Variants in BIRC3 observed in about 807,000 individuals in gnomAD.
The protein encoded by BIRC3 is baculoviral IAP repeat-containing protein 3.
Under a neutral mutation model 59.0 loss-of-function variants are expected in BIRC3, and 26 were observed. The observed-to-expected ratio is 0.44, with a 90% CI of 0.32 to 0.61. BIRC3 has a LOEUF of 0.61. Among genes scored for constraint, BIRC3 ranks in the 20% least tolerant of loss-of-function variants. BIRC3 has a pLI of 0.04. For missense variants in BIRC3, 641 were observed against 711.5 expected (o/e 0.90, Z 1.13); for synonymous variants, 243 against 249.2 (o/e 0.98, Z 0.24).
chr11:102,331,933 G>A (rs1429753455), intron 6 of BIRC3, among the ~76,000 whole-genome samples: 1 of 152,298 alleles, frequency 6.6e-6, no homozygotes, highest in East Asian at 1.9e-4. Context: ...GAGCCACCGT[G>A]CCTGGCTGGA....
Position 102,323,711 on chromosome 11 carries a change from TCTC to T in BIRC3, c.-796_-794del, listed in dbSNP as rs1333228647. The T allele has an allele frequency of 5.0e-6, 1 of 199,646 alleles. No individual in the cohort carries two copies. Among genetic ancestry groups the T allele is most frequent in the African/African-American group, 2.3e-5 (1 of 43,458 alleles). 12.4% of individuals were successfully genotyped at this position (199,646 alleles called of 1,614,324 possible). A position where few individuals can be genotyped will look rare whatever the true frequency, so the allele number is the denominator to read the frequency against. ...GGAGAGAAATTTTAGATTGTTTTGT[TCTC>T]CTTATTAGAAGGATTGTAGAAAGAA... On this transcript the variant is annotated 5_prime_UTR_variant, in exon 2 of 9. Coordinates refer to ENST00000263464, the MANE Select transcript of BIRC3 (RefSeq NM_001165.5).
rs572347898 is a variant in BIRC3 at position 102,322,700 on chromosome 11, G to A, written c.-1810G>A. 1 of 187,980 alleles carries A rather than the reference G, an allele frequency of 5.3e-6. No individual in the cohort carries two copies. Among genetic ancestry groups the A allele is most frequent in the East Asian group, 8.5e-5 (1 of 11,774 alleles). 11.6% of individuals were successfully genotyped at this position (187,980 alleles called of 1,614,324 possible). A position where few individuals can be genotyped will look rare whatever the true frequency, so the allele number is the denominator to read the frequency against. ...GATGTGATGTTTCTCCTGCCACCTG[G>A]AAACAAAGCATTGAAGTCTGCAGTT... On this transcript the variant is annotated 5_prime_UTR_variant, in exon 2 of 9. An upstream open reading frame in the 5' UTR gains an earlier in-frame stop. Coordinates refer to ENST00000263464, the MANE Select transcript of BIRC3 (RefSeq NM_001165.5).
At chr11:102,327,641 A>G (rs1951097379) in intron 3 of BIRC3, among the ~76,000 whole-genome samples, 1 of 152,096 alleles carries the variant, frequency 6.6e-6, no homozygotes, top group Non-Finnish European at 1.5e-5. Flanking sequence ...CTCTGTCTAA[A>G]AAAAAAAAAA....
At chr11:102,319,232 G>T (rs1483553091) in intron 1 of BIRC3, among the ~76,000 whole-genome samples, 1 of 151,430 alleles carries the variant, frequency 6.6e-6, no homozygotes. Flanking sequence ...TTTTTTAGTA[G>T]AGACGGGGTT....
chr11:102,338,367 G>A lies in BIRC3; in HGVS notation c.*1265G>A. 1 of 228,414 alleles carries A rather than the reference G, an allele frequency of 4.4e-6. No individual in the cohort carries two copies. Among genetic ancestry groups the A allele is most frequent in the East Asian group, 6.2e-5 (1 of 16,006 alleles). The allele number at this position is 228,414 out of a possible 1,614,324, so 14.1% of individuals were successfully genotyped here. On this transcript the variant is annotated 3_prime_UTR_variant, in exon 9 of 9. Transcript: ENST00000263464. ...GAAAGACCCCTTCATAAGGGTCACA[G>A]CTGACAATCCTATAACAAAAGACAG...
chr11:102,336,685 C>A lies in BIRC3; in HGVS notation c.1580-75C>A, dbSNP rs576820786. 10 of 1,421,666 alleles carry A rather than the reference C, an allele frequency of 7.0e-6. No homozygotes were observed. The East Asian group carries it at 1.4e-4, about 20-fold the overall frequency. 88.1% of individuals were successfully genotyped at this position (1,421,666 alleles called of 1,614,324 possible). ...GTATTTGGCTATAGTCTAAAGTGTT[C>A]ATTTTTAAAATAGATTCCATAGCTA... On this transcript the variant is annotated intron_variant, in intron 7 of 8. Coordinates refer to ENST00000263464, the MANE Select transcript of BIRC3 (RefSeq NM_001165.5).
At chr11:102,319,127 T>A (rs1201462751) in intron 1 of BIRC3, among the ~76,000 whole-genome samples, 1 of 146,602 alleles carries the variant, frequency 6.8e-6, no homozygotes. Flanking sequence ...TACTGCAACC[T>A]CCACCTCCCG....
Position 102,324,914 on chromosome 11 carries a change from T to C in BIRC3, c.405T>C (p.Arg135=), listed in dbSNP as rs199804199. ...LPGTENSGYF[R]GSYSNSPSNP... ...GTACAGAAAACAGTGGATATTTCCGTGGCTCTTATTCAAACTCTCCATCAA... is the reference window on the plus strand; with the variant it reads ...GTACAGAAAACAGTGGATATTTCCGCGGCTCTTATTCAAACTCTCCATCAA... Residue 135 remains arginine (R), a synonymous_variant, in exon 2 of 9, where the codon CGT becomes CGC. Transcript: ENST00000263464. The C allele has an allele frequency of 1.5e-4, 235 of 1,614,230 alleles. 2 individuals carry two copies. Among genetic ancestry groups the C allele is most frequent in the Middle Eastern group, 4.9e-4 (3 of 6,062 alleles).
At chr11:102,318,661 C>G (rs1344227479) in intron 1 of BIRC3, among the ~76,000 whole-genome samples, 1 of 152,162 alleles carries the variant, frequency 6.6e-6, no homozygotes, top group Non-Finnish European at 1.5e-5. Flanking sequence ...CCCAACAGCC[C>G]TGGGACTGGG....
chr11:102,326,589 C>T lies in BIRC3; in HGVS notation c.953+1024C>T, dbSNP rs561165230. On this transcript the variant is annotated intron_variant, in intron 3 of 8. Transcript: ENST00000263464. ...TCAAAACTTTTGCTATTATTCAACC[C>T]GTTTCCCATTTGCCCTGAGAATACT... The T allele has an allele frequency of 7.0e-4, 248 of 353,040 alleles. 1 individual carries two copies. In the Middle Eastern group the frequency reaches 0.011, roughly 16 times the overall value. The allele number at this position is 353,040 out of a possible 1,614,324, so 21.9% of individuals were successfully genotyped here.
At chr11:102,331,284 A>T (rs12294646) in intron 6 of BIRC3, 43 bp downstream of exon 6, 1 of 1,542,590 alleles carries the variant, frequency 6.5e-7, no homozygotes, top group Non-Finnish European at 8.7e-7. Flanking sequence ...TAAGGATTTG[A>T]TATCAGTCTA....
intron 5 of BIRC3, among the ~76,000 whole-genome samples, chr11:102,330,622 G>T (rs1195067385): frequency 1.3e-5 from 2 of 152,184 alleles, no homozygotes; most frequent in Non-Finnish European, 2.9e-5. Context: ...TATAACCATA[G>T]CCTCTCTGAA....
intron 6 of BIRC3, 110 bp downstream of exon 6, chr11:102,331,351 G>C: frequency 2.6e-6 from 3 of 1,167,510 alleles, no homozygotes; most frequent in Non-Finnish European, 3.3e-6. Context: ...AATCCAGTCA[G>C]GTTTTTTTCA....
chr11:102,323,749 T>C lies in BIRC3; in HGVS notation c.-761T>C, dbSNP rs962853925. On this transcript the variant is annotated 5_prime_UTR_variant, in exon 2 of 9. Coordinates refer to ENST00000263464, the MANE Select transcript of BIRC3 (RefSeq NM_001165.5). ...AGGATTGTAGAAAGAAAAAAATGAC[T>C]AATTGGAGAAAAATTGGGGATATAT... 1 of 200,996 alleles carries C rather than the reference T, an allele frequency of 5.0e-6. No individual in the cohort carries two copies. Among genetic ancestry groups the C allele is most frequent in the Non-Finnish European group, 1.0e-5 (1 of 97,808 alleles). 12.5% of individuals were successfully genotyped at this position (200,996 alleles called of 1,614,324 possible). A position where few individuals can be genotyped will look rare whatever the true frequency, so the allele number is the denominator to read the frequency against.
Position 102,328,888 on chromosome 11 carries a change from T to C in BIRC3, c.1033-9T>C, listed in dbSNP as rs755973170. The C allele has an allele frequency of 8.2e-7, 1 of 1,225,890 alleles. No homozygotes were observed. The highest frequency in any genetic ancestry group is 1.1e-6 in the Non-Finnish European group (1 of 942,728). 75.9% of individuals were successfully genotyped at this position (1,225,890 alleles called of 1,614,324 possible). ...TATATATATATATATATATTTTTTT[T>C]TTCTGCAGCTGCTATCCACATCAGA... On this transcript the variant is annotated splice_polypyrimidine_tract_variant and intron_variant, in intron 4 of 8. Coordinates refer to ENST00000263464, the MANE Select transcript of BIRC3 (RefSeq NM_001165.5).
At chr11:102,336,661 T>G (rs1565325782) in intron 7 of BIRC3, 99 bp from the exon 8 acceptor site, 2 of 1,094,470 alleles carry the variant, frequency 1.8e-6, no homozygotes, top group South Asian at 1.4e-5. Flanking sequence ...TTGAAATGAG[T>G]ATTTGGCTAT....
chr11:102,332,275 GACC>G (rs1222869691), intron 6 of BIRC3, among the ~76,000 whole-genome samples: 1 of 152,158 alleles, frequency 6.6e-6, no homozygotes, highest in Non-Finnish European at 1.5e-5. Context: ...CCCAAGCATG[GACC>G]AGACCTATAA....
intron 1 of BIRC3, among the ~76,000 whole-genome samples, chr11:102,321,613 C>T (rs1240344782): frequency 6.6e-6 from 1 of 152,180 alleles, no homozygotes; most frequent in African/African-American, 2.4e-5. Flanking sequence ...TCTTGGCCTC[C>T]CAAAATGCTG....
intron 5 of BIRC3, among the ~76,000 whole-genome samples, chr11:102,329,853 G>T (rs1255510152): frequency 2.0e-5 from 3 of 152,018 alleles, no homozygotes; most frequent in African/African-American, 7.3e-5. Context: ...GAGTTAACGG[G>T]TGCAGCACAC....
Sources: allele counts gnomAD v4.1 joint callset (sites outside exome capture counted in the v4.1 genomes callset), GRCh38; gene constraint gnomAD v4.1.1; transcripts MANE v1.5; gene names NCBI Gene and HGNC (gene_info 2026-07-23, HGNC 2026-07-21).